The following NUAK2 variants were observed in gnomAD, a reference collection of about 807,000 sequenced individuals.
The protein encoded by NUAK2 is NUAK family SNF1-like kinase 2.
Under a neutral mutation model 29.8 loss-of-function variants are expected in NUAK2, and 20 were observed. The ratio of observed to expected loss-of-function variants is 0.67; its 90% CI spans 0.47 to 0.98. The LOEUF (loss-of-function observed/expected upper bound fraction) is 0.98, where lower values mean the gene tolerates loss of function less well. Among genes scored for constraint, NUAK2 ranks in the 50% least tolerant of loss-of-function variants. The pLI, the probability that NUAK2 is intolerant of heterozygous loss-of-function variation, is 0.00. For synonymous variants in NUAK2, 331 were observed against 342.6 expected (o/e 0.97, Z 0.37); for missense variants, 719 against 834.5 (o/e 0.86, Z 1.71).
intron 4 of NUAK2, among the ~76,000 whole-genome samples, chr1:205,307,637 A>G (rs376425459): frequency 6.6e-6 from 1 of 152,210 alleles, no homozygotes; most frequent in Non-Finnish European, 1.5e-5. Context: ...GAACTTCTCC[A>G]TGCCTAAATT....
At chr1:205,309,218 C>T (rs1182563485) in intron 2 of NUAK2, among the ~76,000 whole-genome samples, 2 of 152,156 alleles carry the variant, frequency 1.3e-5, no homozygotes, top group African/African-American at 2.4e-5. Context: ...AAGGCAACCT[C>T]ACAGGGCTGG....
In NUAK2 at chr1:205,305,266, C is replaced by T; in HGVS notation, c.756G>A (p.Gly252=). Residue 252 remains glycine (G), a synonymous_variant, in exon 6 of 7, where the codon GGG becomes GGA. Coordinates refer to ENST00000367157, the MANE Select transcript of NUAK2 (RefSeq NM_030952.3). ...GTTTCACTAGGATCTTATGGTCATG[C>T]CCATCAAAGGGCATGGTGCCATGCA... ...ILVHGTMPFD[G]HDHKILVKQI... 1 of 1,614,192 alleles carries T rather than the reference C, an allele frequency of 6.2e-7. No homozygotes were observed. Among genetic ancestry groups the T allele is most frequent in the South Asian group, 1.1e-5 (1 of 91,088 alleles).
chr1:205,306,050 C>T, intron 5 of NUAK2, 138 bp downstream of exon 5: 3 of 1,199,432 alleles, frequency 2.5e-6, no homozygotes. Flanking sequence ...AGACACCTGG[C>T]AAGTTACTAC....
At chr1:205,321,303 C>T in intron 1 of NUAK2, 95 bp downstream of exon 1, 1 of 1,143,798 alleles carries the variant, frequency 8.7e-7, no homozygotes, top group South Asian at 1.6e-5. Context: ...GGCCTCTCCG[C>T]CGAGCAACGA....
At chr1:205,313,760 G>T (rs538904780) in intron 1 of NUAK2, among the ~76,000 whole-genome samples, 3 of 151,732 alleles carry the variant, frequency 2.0e-5, no homozygotes, top group Non-Finnish European at 4.4e-5. Flanking sequence ...CAGATGCCAC[G>T]GGGCCCTCAG....
In NUAK2 at chr1:205,321,407, C is replaced by G. The variant is rs138901690; in HGVS notation, c.222G>C (p.Ser74=). ...YGKVKKARES[S]GRLVAIKSIR... is the part of the protein sequence containing the mutation. ...AGGGAGCCGCACTCACCAGGCGCCC[C>G]GAGCTCTCCCGCGCCTTCTTCACCT... The change falls in exon 1 of 7, where the codon TCG becomes TCC. Residue 74 remains serine (S), a synonymous_variant. Coordinates refer to ENST00000367157, the MANE Select transcript of NUAK2 (RefSeq NM_030952.3). The G allele has an allele frequency of 1.9e-5, 30 of 1,613,338 alleles. No homozygotes were observed. The African/African-American group carries it at 3.6e-4, about 19-fold the overall frequency.
chr1:205,303,387 C>A lies in NUAK2; in HGVS notation c.*63G>T. On this transcript the variant is annotated 3_prime_UTR_variant, in exon 7 of 7. Transcript: ENST00000367157. Reference sequence around the variant, plus strand: ...CTGGGAGGTGGGGGAGAAGGCATCTCCCCTCGGGGTGCAACCAGCTGCATC... The same window carrying A: ...CTGGGAGGTGGGGGAGAAGGCATCTACCCTCGGGGTGCAACCAGCTGCATC... 7.0e-7 allele frequency: 1 copy of A among 1,427,772 alleles called. No individual in the cohort carries two copies. The highest frequency in any genetic ancestry group is 9.4e-7 in the Non-Finnish European group (1 of 1,059,724). The allele number at this position is 1,427,772 out of a possible 1,614,324, so 88.4% of individuals were successfully genotyped here.
intron 4 of NUAK2, 137 bp from the exon 5 acceptor site, chr1:205,306,444 A>T (rs1365671529): frequency 2.7e-6 from 3 of 1,100,510 alleles, no homozygotes; most frequent in Non-Finnish European, 3.9e-6. Context: ...CCCTTACCCC[A>T]CACTGAGCAC....
intron 1 of NUAK2, among the ~76,000 whole-genome samples, chr1:205,314,084 A>C (rs1378742869): frequency 6.6e-6 from 1 of 152,248 alleles, no homozygotes; most frequent in Non-Finnish European, 1.5e-5. Flanking sequence ...CAGGGGCAGC[A>C]GGCCCTGCCG....
intron 1 of NUAK2, among the ~76,000 whole-genome samples, chr1:205,314,203 C>A (rs1662294530): frequency 6.6e-6 from 1 of 152,340 alleles, no homozygotes; most frequent in East Asian, 1.9e-4. Flanking sequence ...GGATGGCGTG[C>A]CCTCCATCCC....
chr1:205,312,709 G>A (rs1276421848), intron 1 of NUAK2, among the ~76,000 whole-genome samples: 1 of 152,144 alleles, frequency 6.6e-6, no homozygotes, highest in Non-Finnish European at 1.5e-5. Flanking sequence ...GTGCTGAGGT[G>A]GGAGGATTGC....
intron 1 of NUAK2, among the ~76,000 whole-genome samples, chr1:205,319,924 TACAC>T (rs377521023): frequency 1.8e-3 from 139 of 78,480 alleles, no homozygotes; most frequent in Middle Eastern, 5.2e-3. Context: ...GGGCAAACCA[TACAC>T]ACACACACAC....
chr1:205,303,875 G>A lies in NUAK2; in HGVS notation c.1462C>T (p.Pro488Ser). 6.2e-7 allele frequency: 1 copy of A among 1,613,914 alleles called. No individual in the cohort carries two copies. The highest frequency in any genetic ancestry group is 1.1e-5 in the South Asian group (1 of 91,066). ...FVSGDPKEQK[P>S]PQASGLLLHR... is the part of the protein sequence containing the mutation. The stretch of plus-strand genomic sequence containing the variant: ...AGGAGCAGCCCTGAAGCTTGCGGAG[G>A]CTTCTGCTCCTTGGGATCCCCACTC... The change falls in exon 7 of 7, where the codon CCT becomes TCT. Residue 488 changes from proline to serine, a missense_variant. This residue lies in a region of NUAK2 where 430 missense variants were observed against 465.7 expected (regional missense o/e 0.92). Transcript: ENST00000367157.
At chr1:205,313,424 A>C (rs2102256063) in intron 1 of NUAK2, among the ~76,000 whole-genome samples, 1 of 152,320 alleles carries the variant, frequency 6.6e-6, no homozygotes, top group South Asian at 2.1e-4. Context: ...TGGTGGGCTC[A>C]GGAAAGGTGG....
Position 205,321,399 on chromosome 1 carries a change from A to G in NUAK2, c.230T>C (p.Leu77Pro). 6.2e-7 allele frequency: 1 copy of G among 1,612,714 alleles called. No individual in the cohort carries two copies. Among genetic ancestry groups the G allele is most frequent in the Non-Finnish European group, 8.5e-7 (1 of 1,179,410 alleles). ...GCCGCGAGAGGGAGCCGCACTCACC[A>G]GGCGCCCCGAGCTCTCCCGCGCCTT... ...VKKARESSGRLVAIKSIRKDK... is the reference protein window; with the variant it reads ...VKKARESSGRPVAIKSIRKDK... Residue 77 changes from leucine to proline, a missense_variant and splice_region_variant, in exon 1 of 7, where the codon CTG becomes CCG. Transcript: ENST00000367157.
At chr1:205,307,593 C>T (rs899552103) in intron 4 of NUAK2, among the ~76,000 whole-genome samples, 1 of 152,198 alleles carries the variant, frequency 6.6e-6, no homozygotes, top group Non-Finnish European at 1.5e-5. Context: ...TGTCCTTCCT[C>T]CAGCCCTGAG....
chr1:205,307,180 C>T (rs1249511422), intron 4 of NUAK2, among the ~76,000 whole-genome samples: 1 of 152,192 alleles, frequency 6.6e-6, no homozygotes, highest in Non-Finnish European at 1.5e-5. Flanking sequence ...CTCTTCACCA[C>T]ATCAGAGGGT....
At position 205,303,096 on chromosome 1, in the gene NUAK2, T is replaced by C. The variant is rs966575425; in HGVS notation, c.*354A>G. The C allele has an allele frequency of 3.5e-5, 6 of 170,594 alleles. No individual in the cohort carries two copies. Among genetic ancestry groups the C allele is most frequent in the African/African-American group, 1.2e-4 (5 of 41,912 alleles). The allele number at this position is 170,594 out of a possible 1,614,324, so 10.6% of individuals were successfully genotyped here. On this transcript the variant is annotated 3_prime_UTR_variant, in exon 7 of 7. Coordinates refer to ENST00000367157, the MANE Select transcript of NUAK2 (RefSeq NM_030952.3). ...AGCTGTCCTTAGAAGGCACCATGTGTACAGAGTATTCATGGGATGCAGGAG... is the reference window on the plus strand; with the variant it reads ...AGCTGTCCTTAGAAGGCACCATGTGCACAGAGTATTCATGGGATGCAGGAG...
intron 1 of NUAK2, among the ~76,000 whole-genome samples, chr1:205,316,450 G>A (rs1348244677): frequency 6.6e-6 from 1 of 152,166 alleles, no homozygotes. Context: ...AAGAGCACTG[G>A]AGAGAACTTC....
Sources: allele counts gnomAD v4.1 joint callset (sites outside exome capture counted in the v4.1 genomes callset), GRCh38; gene constraint gnomAD v4.1.1; regional missense constraint gnomAD v4.1.1; transcripts MANE v1.5; gene names NCBI Gene and HGNC (gene_info 2026-07-23, HGNC 2026-07-21).